The following PDE9A variants were observed in gnomAD, a reference collection of about 807,000 sequenced individuals.
The protein encoded by PDE9A is high affinity cGMP-specific 3',5'-cyclic phosphodiesterase 9A.
In PDE9A, 60 loss-of-function variants were observed where a neutral mutation model predicts 87.4. That is an observed-to-expected ratio of 0.69 (90% confidence interval 0.56 to 0.85). The LOEUF is 0.85. PDE9A is among the 40% of genes least tolerant of loss of function. The pLI is 0.00. For synonymous variants in PDE9A, 272 were observed against 279.4 expected, an observed-to-expected ratio of 0.97 and a Z score of 0.27; for missense variants, 665 against 779.0, an observed-to-expected ratio of 0.85 and a Z score of 1.74.
At chr21:42,718,690 C>T (rs1351463654) in intron 4 of PDE9A, among the ~76,000 whole-genome samples, 1 of 151,668 alleles carries the variant, frequency 6.6e-6, no homozygotes, top group African/African-American at 2.4e-5. Flanking sequence ...GCTTTTGTTT[C>T]GGTGTTTGCA....
At position 42,759,442 on chromosome 21, in the gene PDE9A, AGT is replaced by A. The variant is rs762621395; in HGVS notation, c.897+365_897+366del. Among the ~76,000 whole-genome samples, 12 of 133,872 alleles carry A rather than the reference AGT, an allele frequency of 9.0e-5. No homozygotes were observed. Among genetic ancestry groups the A allele is most frequent in the Admixed American group, 1.5e-4 (2 of 13,668 alleles). The allele number at this position is 133,872 out of a possible 152,430, so 87.8% of individuals were successfully genotyped here. A position where few individuals can be genotyped will look rare whatever the true frequency, so the allele number is the denominator to read the frequency against. The stretch of plus-strand genomic sequence containing the variant: ...GAGTGAGTATGGGGGTGTGGATGTG[AGT>A]GTGTGTGAGTGTGGGGTGTGGATGT... On this transcript the variant is annotated intron_variant, in intron 11 of 19. Transcript: ENST00000291539. This position sits in a 1 kb window ranked among gnomAD's most constrained non-coding sequence, Gnocchi z 7.2.
chr21:42,710,303 G>A (rs1423760797), intron 4 of PDE9A, among the ~76,000 whole-genome samples: 58 of 151,932 alleles, frequency 3.8e-4, no homozygotes, highest in Admixed American at 3.8e-3. Flanking sequence ...CAGCTACTCA[G>A]GAGGCTGAGG....
At chr21:42,748,859 C>T (rs962364984) in intron 8 of PDE9A, among the ~76,000 whole-genome samples, 8 of 152,206 alleles carry the variant, frequency 5.3e-5, no homozygotes, top group African/African-American at 9.6e-5. Flanking sequence ...CTTTCTTCCT[C>T]GTAGCGTGGC....
chr21:42,755,037 C>T (rs2054877106), intron 10 of PDE9A, among the ~76,000 whole-genome samples: 1 of 152,212 alleles, frequency 6.6e-6, no homozygotes, highest in South Asian at 2.1e-4. Context: ...TGTTTCATCT[C>T]ATTGGCTAAT....
intron 1 of PDE9A, among the ~76,000 whole-genome samples, chr21:42,657,439 C>T (rs1193861688): frequency 6.6e-6 from 1 of 152,222 alleles, no homozygotes; most frequent in African/African-American, 2.4e-5. Flanking sequence ...GAGACTGTGT[C>T]CTCTAGGAGC....
Position 42,731,845 on chromosome 21 carries a change from GCCTGGAGCAGCC to G in PDE9A, c.341_352del (p.Leu114_Pro117del), listed in dbSNP as rs1267076569. ...CCACTGAGGGACAGACGGGTTGTGG[GCCTGGAGCAGCC>G]CCGGAGGGAAGGAGCATTTGAAAGT... On this transcript the variant is annotated inframe_deletion, in exon 5 of 20. Transcript: ENST00000291539. 2 of 1,614,206 alleles carry G rather than the reference GCCTGGAGCAGCC, an allele frequency of 1.2e-6. No homozygotes were observed. Among genetic ancestry groups the G allele is most frequent in the South Asian group, 2.2e-5 (2 of 91,088 alleles).
intron 1 of PDE9A, among the ~76,000 whole-genome samples, chr21:42,657,730 G>A (rs1471277335): frequency 1.3e-5 from 2 of 152,224 alleles, no homozygotes; most frequent in Non-Finnish European, 2.9e-5. Context: ...GCTCGGGTGT[G>A]GTGAGGAGCC....
intron 6 of PDE9A, among the ~76,000 whole-genome samples, chr21:42,732,806 C>T (rs975776233): frequency 7.2e-5 from 11 of 152,122 alleles, no homozygotes; most frequent in Admixed American, 6.5e-5. Flanking sequence ...CCCAGCTACC[C>T]GGGAGGCTGA....
chr21:42,745,630 G>A (rs2053762793), intron 8 of PDE9A, among the ~76,000 whole-genome samples: 1 of 152,222 alleles, frequency 6.6e-6, no homozygotes, highest in Non-Finnish European at 1.5e-5. Context: ...CCTTGGCCGT[G>A]GGCTCTACGT....
chr21:42,764,515 G>T (rs1270169751), intron 14 of PDE9A, among the ~76,000 whole-genome samples: 2 of 152,232 alleles, frequency 1.3e-5, no homozygotes, highest in African/African-American at 4.8e-5. Context: ...GCCCCTTAGT[G>T]TAGGCCTCGT....
intron 7 of PDE9A, among the ~76,000 whole-genome samples, chr21:42,737,828 T>C (rs1278060948): frequency 6.6e-6 from 1 of 152,240 alleles, no homozygotes; most frequent in Non-Finnish European, 1.5e-5. Context: ...CATATTATAT[T>C]GTGGTGGACT....
chr21:42,751,169 C>T lies in PDE9A; in HGVS notation c.707C>T (p.Pro236Leu). Residue 236 changes from proline to leucine, a missense_variant, in exon 9 of 20, where the codon CCT becomes CTT. By Grantham distance (98) the Pro-to-Leu change is moderately conservative (BLOSUM62 -3). Transcript: ENST00000291539. Reference sequence around the variant, plus strand: ...TTGGATAACCACAAGAAGTTGACTCCTCGACGCGATGTTCCCACTTACCCC... The same window carrying T: ...TTGGATAACCACAAGAAGTTGACTCTTCGACGCGATGTTCCCACTTACCCC... ...SFLDNHKKLT[P>L]RRDVPTYPKY... The T allele has an allele frequency of 6.2e-7, 1 of 1,613,070 alleles. No individual in the cohort carries two copies. Among genetic ancestry groups the T allele is most frequent in the African/African-American group, 1.3e-5 (1 of 74,962 alleles).
chr21:42,747,974 G>A (rs369843827), intron 8 of PDE9A, among the ~76,000 whole-genome samples: 22 of 152,188 alleles, frequency 1.4e-4, no homozygotes, highest in South Asian at 1.0e-3. Context: ...CCGTGGCAGC[G>A]GAGCGCAGAG....
chr21:42,665,601 G>C (rs1365028175), intron 1 of PDE9A, among the ~76,000 whole-genome samples: 1 of 152,144 alleles, frequency 6.6e-6, no homozygotes, highest in East Asian at 1.9e-4. Flanking sequence ...TGCTCCTACA[G>C]CTCCCGGCCT....
At chr21:42,730,957 G>C (rs1374299227) in intron 4 of PDE9A, among the ~76,000 whole-genome samples, 5 of 151,972 alleles carry the variant, frequency 3.3e-5, no homozygotes, top group African/African-American at 1.2e-4. Context: ...CTTTGGTTTT[G>C]TTTTTTTGTT....
chr21:42,664,835 C>A (rs2057854586), intron 1 of PDE9A, among the ~76,000 whole-genome samples: 1 of 152,236 alleles, frequency 6.6e-6, no homozygotes, highest in African/African-American at 2.4e-5. Flanking sequence ...GACTTCCGCC[C>A]GCCTGCACTG....
At chr21:42,661,386 C>T (rs1157972697) in intron 1 of PDE9A, among the ~76,000 whole-genome samples, 1 of 146,316 alleles carries the variant, frequency 6.8e-6, no homozygotes. Context: ...AACCCTCCCT[C>T]CCCATCCCCC....
chr21:42,762,248 G>A lies in PDE9A; in HGVS notation c.1242+9G>A. The A allele has an allele frequency of 6.2e-7, 1 of 1,612,936 alleles. No individual in the cohort carries two copies. Among genetic ancestry groups the A allele is most frequent in the East Asian group, 2.2e-5 (1 of 44,834 alleles). On this transcript the variant is annotated intron_variant, in intron 14 of 19. Transcript: ENST00000291539. ...TCAAGCAGATCCGACAGGTGTGTGG[G>A]GTGAGGGCCCTCCCACCGGAGTGGG...
intron 6 of PDE9A, among the ~76,000 whole-genome samples, chr21:42,732,923 C>A (rs2051982718): frequency 6.6e-6 from 1 of 152,156 alleles, no homozygotes; most frequent in Admixed American, 6.6e-5. Flanking sequence ...AAAAACAAAA[C>A]AAAACAAAAA....
Sources: allele counts gnomAD v4.1 joint callset (sites outside exome capture counted in the v4.1 genomes callset), GRCh38; gene constraint gnomAD v4.1.1; non-coding constraint Gnocchi (gnomAD v3.1); transcripts MANE v1.5; gene names NCBI Gene and HGNC (gene_info 2026-07-23, HGNC 2026-07-21).